Variants in ALDH5A1 observed in about 807,000 individuals in gnomAD.
ALDH5A1 encodes the protein succinate-semialdehyde dehydrogenase, mitochondrial.
In ALDH5A1, 33 loss-of-function variants were observed where a neutral mutation model predicts 54.7. That is an observed-to-expected ratio of 0.60 (90% confidence interval 0.46 to 0.81). The LOEUF is 0.81. Ranked by LOEUF, ALDH5A1 falls within the 30% of genes least tolerant of loss-of-function variation. The pLI, the probability that ALDH5A1 is intolerant of heterozygous loss-of-function variation, is 0.00. For missense variants in ALDH5A1, 657 were observed against 711.0 expected (o/e 0.92, Z 0.86); for synonymous variants, 294 against 292.7 (o/e 1.00, Z -0.05).
At position 24,495,203 on chromosome 6, in the gene ALDH5A1, G is replaced by T; in HGVS notation, c.207G>T (p.Trp69Cys). The T allele has an allele frequency of 6.6e-7, 1 of 1,506,782 alleles. No homozygotes were observed. The highest frequency in any genetic ancestry group is 8.8e-7 in the Non-Finnish European group (1 of 1,135,590). The allele number at this position is 1,506,782 out of a possible 1,614,324, so 93.3% of individuals were successfully genotyped here. A position where few individuals can be genotyped will look rare whatever the true frequency, so the allele number is the denominator to read the frequency against. ...CCGACAGCTTCGTGGGCGGCCGCTG[G>T]CTCCCGGCCGCCGCCACCTTCCCCG... ...LRTDSFVGGR[W>C]LPAAATFPVQ... Residue 69 changes from tryptophan to cysteine, a missense_variant, in exon 1 of 10, where the codon TGG becomes TGT. By Grantham distance (215) the Trp-to-Cys change is radical (BLOSUM62 -2). Coordinates refer to ENST00000357578, the MANE Select transcript of ALDH5A1 (RefSeq NM_001080.3).
At chr6:24,501,807 A>C (rs1372795207) in intron 1 of ALDH5A1, among the ~76,000 whole-genome samples, 1 of 151,944 alleles carries the variant, frequency 6.6e-6, no homozygotes, top group African/African-American at 2.4e-5. Context: ...ATCAAAAAAC[A>C]CAGAAGTTCA....
In ALDH5A1 at chr6:24,503,297, TCTATTCC is replaced by T; in HGVS notation, c.474_480del (p.Tyr159ProfsTer4). On this transcript the variant is annotated frameshift_variant, in exon 3 of 10. Coordinates refer to ENST00000357578, the MANE Select transcript of ALDH5A1 (RefSeq NM_001080.3). LOFTEE classifies it high-confidence loss of function. ...CTGAAGGAGGCACATGGAGAAATTC[TCTATTCC>T]GCCTTTTTCCTAGAGTGGTTCTCTG... The T allele has an allele frequency of 6.2e-7, 1 of 1,614,144 alleles. No homozygotes were observed. Among genetic ancestry groups the T allele is most frequent in the South Asian group, 1.1e-5 (1 of 91,082 alleles).
chr6:24,499,950 C>T (rs1384557588), intron 1 of ALDH5A1, among the ~76,000 whole-genome samples: 1 of 151,154 alleles, frequency 6.6e-6, no homozygotes, highest in Non-Finnish European at 1.5e-5. Flanking sequence ...CGAGCCACTG[C>T]GCCCAGCCCC....
At position 24,535,075 on chromosome 6, in the gene ALDH5A1, T is replaced by G. The variant is rs528407549; in HGVS notation, c.*1363T>G. ...ATGCAAATCCAATTAGGCGGCCAAGTAGGTGGAGACGAAGCACCTTCCTTT... is the reference window on the plus strand; with the variant it reads ...ATGCAAATCCAATTAGGCGGCCAAGGAGGTGGAGACGAAGCACCTTCCTTT... On this transcript the variant is annotated 3_prime_UTR_variant, in exon 10 of 10. Transcript: ENST00000357578. 2.6e-5 allele frequency: 4 copies of G among 152,330 alleles called. No individual in the cohort carries two copies. The South Asian group carries it at 8.3e-4, about 32-fold the overall frequency. 9.4% of individuals were successfully genotyped at this position (152,330 alleles called of 1,614,324 possible). A position where few individuals can be genotyped will look rare whatever the true frequency, so the allele number is the denominator to read the frequency against.
chr6:24,524,212 T>C (rs980268690), intron 7 of ALDH5A1, among the ~76,000 whole-genome samples: 2 of 152,182 alleles, frequency 1.3e-5, no homozygotes, highest in Non-Finnish European at 2.9e-5. Context: ...CTCGAACTCC[T>C]GACCTCAGGT....
Position 24,495,312 on chromosome 6 carries a change from T to A in ALDH5A1, c.316T>A (p.Tyr106Asn). 6.5e-7 allele frequency: 1 copy of A among 1,533,150 alleles called. No homozygotes were observed. The highest frequency in any genetic ancestry group is 8.7e-7 in the Non-Finnish European group (1 of 1,146,430). The allele number at this position is 1,533,150 out of a possible 1,614,324, so 95.0% of individuals were successfully genotyped here. The change falls in exon 1 of 10, where the codon TAC becomes AAC. Residue 106 changes from tyrosine (Y) to asparagine (N), a missense_variant. By Grantham distance (143) the Tyr-to-Asn change is moderately radical. Around this residue, in one of 2 missense-constraint regions of ALDH5A1, gnomAD observed 232 missense variants for 194.6 expected, o/e 1.19. Transcript: ENST00000357578. The part of the protein sequence containing the change: ...REARAAVRAA[Y>N]EAFCRWREVS... ...GGCCCGCGCCGCCGTGCGCGCTGCC[T>A]ACGAGGCTTTCTGCCGCTGGAGGGA...
intron 4 of ALDH5A1, among the ~76,000 whole-genome samples, chr6:24,514,149 A>G (rs1236803405): frequency 1.3e-5 from 2 of 152,206 alleles, no homozygotes; most frequent in African/African-American, 4.8e-5. Flanking sequence ...TGTCCAGATC[A>G]GGTAGCTGTG....
At chr6:24,504,553 A>G (rs1247133412) in intron 3 of ALDH5A1, among the ~76,000 whole-genome samples, 2 of 152,266 alleles carry the variant, frequency 1.3e-5, no homozygotes, top group East Asian at 3.8e-4. Context: ...AGTAATTGCC[A>G]TAGAAACCAT....
intron 4 of ALDH5A1, among the ~76,000 whole-genome samples, chr6:24,508,377 A>AT (rs1310941200): frequency 6.4e-5 from 3 of 47,074 alleles, no homozygotes; most frequent in Non-Finnish European, 1.3e-4. Flanking sequence ...AAAAAAAAAA[A>AT]AAAAAAAAAA....
intron 1 of ALDH5A1, among the ~76,000 whole-genome samples, chr6:24,497,395 C>T (rs1764734881): frequency 6.6e-6 from 1 of 151,344 alleles, no homozygotes; most frequent in Non-Finnish European, 1.5e-5. Flanking sequence ...TTGCTAGCTA[C>T]AGAGCGCTGA....
chr6:24,516,770 A>G (rs1759583353), intron 5 of ALDH5A1, among the ~76,000 whole-genome samples: 1 of 152,022 alleles, frequency 6.6e-6, no homozygotes, highest in South Asian at 2.1e-4. Context: ...TACAAAAAAA[A>G]AAATTAGCTG....
chr6:24,506,243 C>CTTTTTTGTTTT (rs1759349775), intron 4 of ALDH5A1, among the ~76,000 whole-genome samples: 1 of 52,132 alleles, frequency 1.9e-5, no homozygotes, highest in African/African-American at 7.4e-5. Flanking sequence ...TTCCTGGTTC[C>CTTTTTTGTTTT]TTTTTTTTTT....
intron 4 of ALDH5A1, among the ~76,000 whole-genome samples, chr6:24,513,845 T>C (rs913004930): frequency 2.0e-5 from 3 of 152,262 alleles, no homozygotes; most frequent in African/African-American, 7.2e-5. Flanking sequence ...GGTGCTGATA[T>C]GACGGTCAGG....
intron 4 of ALDH5A1, among the ~76,000 whole-genome samples, chr6:24,513,517 G>A (rs1759501165): frequency 6.6e-6 from 1 of 152,164 alleles, no homozygotes; most frequent in African/African-American, 2.4e-5. Flanking sequence ...GCTTCCTTGT[G>A]TATCGTGTTC....
intron 3 of ALDH5A1, 25 bp downstream of exon 3, chr6:24,503,458 C>T: frequency 2.5e-6 from 4 of 1,608,520 alleles, no homozygotes; most frequent in Non-Finnish European, 3.4e-6. Flanking sequence ...CAGCAAGATC[C>T]TAGGGTGGGA....
At chr6:24,525,325 G>A (rs1304287512) in intron 7 of ALDH5A1, among the ~76,000 whole-genome samples, 2 of 152,146 alleles carry the variant, frequency 1.3e-5, no homozygotes, top group African/African-American at 4.8e-5. Flanking sequence ...CATTGCAGGA[G>A]GGGCATGGAT....
In ALDH5A1 at chr6:24,535,036, G is replaced by A. The variant is rs997590655; in HGVS notation, c.*1324G>A. The stretch of plus-strand genomic sequence containing the variant: ...CCTCTCACTTTGAAAGAAAGACTCC[G>A]TAATCTTAAACAGATGCAAATCCAA... On this transcript the variant is annotated 3_prime_UTR_variant, in exon 10 of 10. Coordinates refer to ENST00000357578, the MANE Select transcript of ALDH5A1 (RefSeq NM_001080.3). The A allele has an allele frequency of 5.3e-5, 8 of 152,174 alleles. No homozygotes were observed. The highest frequency in any genetic ancestry group is 1.9e-4 in the African/African-American group (8 of 41,448). 9.4% of individuals were successfully genotyped at this position (152,174 alleles called of 1,614,324 possible).
intron 1 of ALDH5A1, among the ~76,000 whole-genome samples, chr6:24,501,875 TTA>T (rs59853869): frequency 0.19 from 27,102 of 144,308 alleles, 4,435 homozygotes; most frequent in African/African-American, 0.41. Context: ...AACCAATGTT[TTA>T]TATATATATA....
In ALDH5A1 at chr6:24,533,926, C is replaced by T; in HGVS notation, c.*214C>T. 1 of 515,958 alleles carries T rather than the reference C, an allele frequency of 1.9e-6. No homozygotes were observed. Among genetic ancestry groups the T allele is most frequent in the Non-Finnish European group, 3.5e-6 (1 of 289,704 alleles). 32.0% of individuals were successfully genotyped at this position (515,958 alleles called of 1,614,324 possible). ...GCCACGTGCCTGTGGCTGCAGACTC[C>T]CAGAGAACCAGCACTGGGTTTACAG... On this transcript the variant is annotated 3_prime_UTR_variant, in exon 10 of 10. Coordinates refer to ENST00000357578, the MANE Select transcript of ALDH5A1 (RefSeq NM_001080.3).
Sources: allele counts gnomAD v4.1 joint callset (sites outside exome capture counted in the v4.1 genomes callset), GRCh38; gene constraint gnomAD v4.1.1; regional missense constraint gnomAD v4.1.1; transcripts MANE v1.5; gene names NCBI Gene and HGNC (gene_info 2026-07-23, HGNC 2026-07-21).